The following CALCR variants were observed in gnomAD, a reference collection of about 807,000 sequenced individuals.
CALCR encodes calcitonin receptor.
Under a neutral mutation model 59.5 loss-of-function variants are expected in CALCR, and 47 were observed. The observed-to-expected ratio is 0.79, with a 90% confidence interval of 0.63 to 1.01. The LOEUF (loss-of-function observed/expected upper bound fraction) is 1.01, where lower values mean the gene tolerates loss of function less well. CALCR is among the 50% of genes least tolerant of loss of function. The probability of loss-of-function intolerance (pLI) is 0.00; values close to 1 mark genes in which losing one functional copy is unlikely to be tolerated. For synonymous variants in CALCR, 213 were observed against 211.3 expected (o/e 1.01, Z -0.07); for missense variants, 566 against 597.1 (o/e 0.95, Z 0.54).
At position 93,446,835 on chromosome 7, in the gene CALCR, T is replaced by C. The variant is rs188034057; in HGVS notation, c.649-3078A>G. On this transcript the variant is annotated intron_variant, in intron 8 of 13. Transcript: ENST00000426151. ...GTGTAATTTTGTTTAAGTAGTATGA[T>C]CTTCCAAATTGCAAGACAAAAATCT... is the stretch of plus-strand genomic sequence containing the variant. 4.8e-3 allele frequency among the ~76,000 whole-genome samples: 724 copies of C among 152,116 alleles called. 12 individuals are homozygous for C. The highest frequency in any genetic ancestry group is 0.017 in the African/African-American group (690 of 41,540).
intron 8 of CALCR, among the ~76,000 whole-genome samples, chr7:93,454,906 A>G (rs1584548351): frequency 7.2e-6 from 1 of 138,222 alleles, no homozygotes; most frequent in Admixed American, 7.0e-5. Context: ...GACAGTGAGG[A>G]CAGGGCATTT....
chr7:93,446,735 AT>A (rs1800013525), intron 8 of CALCR, among the ~76,000 whole-genome samples: 1 of 151,962 alleles, frequency 6.6e-6, no homozygotes, highest in Non-Finnish European at 1.5e-5. Context: ...AGCATGGGGT[AT>A]TAAGGAAGTC....
chr7:93,479,106 T>C (rs1800735886), intron 4 of CALCR, among the ~76,000 whole-genome samples: 1 of 151,818 alleles, frequency 6.6e-6, no homozygotes, highest in South Asian at 2.1e-4. Context: ...GCTCACCAGG[T>C]GTGAATACTG....
intron 9 of CALCR, among the ~76,000 whole-genome samples, chr7:93,439,204 T>A (rs1799847456): frequency 6.6e-6 from 1 of 152,074 alleles, no homozygotes; most frequent in Non-Finnish European, 1.5e-5. Flanking sequence ...CAAAAAGGGG[T>A]CTCAAAATAT....
At chr7:93,568,348 T>C (rs1353760564) in intron 2 of CALCR, among the ~76,000 whole-genome samples, 1 of 151,942 alleles carries the variant, frequency 6.6e-6, no homozygotes, top group African/African-American at 2.4e-5. Flanking sequence ...GTGTCTCCAT[T>C]TCCTCATTTC....
chr7:93,554,404 A>C (rs1246781358), intron 2 of CALCR, among the ~76,000 whole-genome samples: 1 of 152,122 alleles, frequency 6.6e-6, no homozygotes, highest in Non-Finnish European at 1.5e-5. Context: ...TACATATGCA[A>C]ATTTTCCTTA....
chr7:93,454,628 T>A (rs1042966540), intron 8 of CALCR, among the ~76,000 whole-genome samples: 4 of 144,426 alleles, frequency 2.8e-5, no homozygotes, highest in Non-Finnish European at 4.6e-5. Flanking sequence ...AAAAAAAAAA[T>A]AACATTTCAG....
chr7:93,541,335 G>A (rs1278381218), intron 2 of CALCR, among the ~76,000 whole-genome samples: 4 of 151,874 alleles, frequency 2.6e-5, no homozygotes, highest in Non-Finnish European at 5.9e-5. Flanking sequence ...CATCACTCCC[G>A]GCTATTTTTT....
At chr7:93,436,877 C>A (rs1249965872) in intron 11 of CALCR, among the ~76,000 whole-genome samples, 2 of 152,102 alleles carry the variant, frequency 1.3e-5, no homozygotes, top group African/African-American at 2.4e-5. Flanking sequence ...GATATTTTTT[C>A]TGTATGTATA....
At chr7:93,556,212 G>A (rs1789600923) in intron 2 of CALCR, among the ~76,000 whole-genome samples, 1 of 152,138 alleles carries the variant, frequency 6.6e-6, no homozygotes, top group Non-Finnish European at 1.5e-5. Flanking sequence ...AATTTGGATA[G>A]ACCTTATTAT....
chr7:93,432,644 C>A (rs1055549154), intron 13 of CALCR, among the ~76,000 whole-genome samples: 6 of 152,168 alleles, frequency 3.9e-5, no homozygotes, highest in Non-Finnish European at 8.8e-5. Context: ...TCTGACACTT[C>A]CAATGACAGT....
intron 2 of CALCR, among the ~76,000 whole-genome samples, chr7:93,509,884 A>T (rs1288807248): frequency 2.6e-5 from 4 of 152,196 alleles, no homozygotes; most frequent in Non-Finnish European, 5.9e-5. Context: ...TATAGGATTA[A>T]TACATAAAAT....
rs753381450 is a variant in CALCR at position 93,426,511 on chromosome 7, G to C, written c.1270C>G (p.Arg424Gly). 4.6e-5 allele frequency: 75 copies of C among 1,613,612 alleles called. No homozygotes were observed. The Middle Eastern group carries it at 6.6e-4, about 14-fold the overall frequency. ...GCAGCGGCTGCAGCGCGAGCAGAGC[G>C]GTTGGAGGGGCGCCTCCCCCAACGC... ...NQRWGRRPSNRSARAAAAAAE... is the reference protein window; with the variant it reads ...NQRWGRRPSNGSARAAAAAAE... The change falls in exon 14 of 14, where the codon CGC (arginine) becomes GGC (glycine). Residue 424 changes from arginine to glycine, a missense_variant. Arg to Gly is a moderately radical substitution (Grantham distance 125). Transcript: ENST00000426151.
At chr7:93,449,175 T>C (rs893496227) in intron 8 of CALCR, among the ~76,000 whole-genome samples, 1 of 152,078 alleles carries the variant, frequency 6.6e-6, no homozygotes, top group Non-Finnish European at 1.5e-5. Context: ...TGATCTCTAA[T>C]GATTAAAGAT....
At chr7:93,438,767 C>A (rs1799837863) in intron 9 of CALCR, among the ~76,000 whole-genome samples, 1 of 152,080 alleles carries the variant, frequency 6.6e-6, no homozygotes, top group Admixed American at 6.6e-5. Context: ...GTTTATATCT[C>A]ATGCAGTGAT....
intron 2 of CALCR, among the ~76,000 whole-genome samples, chr7:93,539,121 T>G (rs74802013): frequency 0.035 from 5,388 of 152,216 alleles, 330 homozygotes; most frequent in African/African-American, 0.12. Flanking sequence ...CCAGGAAGTT[T>G]TATTCTCACT....
Position 93,442,181 on chromosome 7 carries a change from C to T in CALCR, c.802+1423G>A, listed in dbSNP as rs1213196250. Among the ~76,000 whole-genome samples the T allele has an allele frequency of 3.3e-5, 5 of 152,256 alleles. No homozygotes were observed. In the East Asian group the frequency reaches 7.7e-4, roughly 24 times the overall value. ...GGCTTATCTGCTCCCAGGCTACAGC[C>T]CTTTTAGTTGCCTGGCTATATTTCT... On this transcript the variant is annotated intron_variant, in intron 9 of 13. Transcript: ENST00000426151.
intron 2 of CALCR, among the ~76,000 whole-genome samples, chr7:93,556,743 A>G (rs1178368808): frequency 6.6e-6 from 1 of 152,054 alleles, no homozygotes; most frequent in African/African-American, 2.4e-5. Flanking sequence ...GTACATATAG[A>G]TCTGCCTCAT....
At chr7:93,454,974 A>G (rs1423317131) in intron 8 of CALCR, among the ~76,000 whole-genome samples, 2 of 150,814 alleles carry the variant, frequency 1.3e-5, no homozygotes, top group East Asian at 3.9e-4. Flanking sequence ...TACCCTCAAC[A>G]AAATAATAAC....
Sources: allele counts gnomAD v4.1 joint callset (sites outside exome capture counted in the v4.1 genomes callset), GRCh38; gene constraint gnomAD v4.1.1; transcripts MANE v1.5; gene names NCBI Gene and HGNC (gene_info 2026-07-23, HGNC 2026-07-21).